SRRM2: variants seen among roughly 807,000 people sequenced by gnomAD.
The protein encoded by SRRM2 is serine/arginine repetitive matrix protein 2.
A neutral mutation model predicts 213.8 loss-of-function variants in SRRM2; 30 were observed. That is an observed-to-expected ratio of 0.14 (90% CI 0.10 to 0.19). SRRM2 has a LOEUF of 0.19. SRRM2 is among the 10% of genes least tolerant of loss of function. SRRM2 has a pLI of 1.00. For missense variants in SRRM2, 4,904 were observed against 3,647.0 expected, an observed-to-expected ratio of 1.34 and a Z score of -8.88; for synonymous variants, 2,025 against 1,377.7, an observed-to-expected ratio of 1.47 and a Z score of -10.40.
rs751290655 is a variant in SRRM2, at chr16:2,763,697, C to G, written c.3169C>G (p.Leu1057Val). 1 of 1,614,214 alleles carries G rather than the reference C, an allele frequency of 6.2e-7. No individual in the cohort carries two copies. Among genetic ancestry groups the G allele is most frequent in the Non-Finnish European group, 8.5e-7 (1 of 1,180,044 alleles). The stretch of plus-strand genomic sequence containing the variant: ...CTATTTTGGTGTCTCATCTCTGCAA[C>G]TGAAAGGACAATCTCAAACTTCACC... ...ESYFGVSSLQ[L>V]KGQSQTSPDH... The change falls in exon 11 of 15, where the codon CTG becomes GTG. Residue 1057 changes from leucine (L) to valine (V), a missense_variant. Coordinates refer to ENST00000301740, the MANE Select transcript of SRRM2 (RefSeq NM_016333.4).
At position 2,760,373 on chromosome 16, in the gene SRRM2, A is replaced by G. The variant is rs755644245; in HGVS notation, c.906A>G (p.Arg302=). ...GAAGTCCTTCCCCTGCTTCAGGGCG[A>G]CGCGGGGAGGGAGATGCGCCTTTCA... ...AGRSPSPASG[R]RGEGDAPFSE... The change falls in exon 10 of 15, where the codon CGA becomes CGG. Residue 302 remains arginine, a synonymous_variant. Transcript: ENST00000301740. 6.2e-7 allele frequency: 1 copy of G among 1,614,088 alleles called. No individual in the cohort carries two copies. The highest frequency in any genetic ancestry group is 8.5e-7 in the Non-Finnish European group (1 of 1,180,030).
Position 2,767,669 on chromosome 16 carries a change from A to T in SRRM2, c.7141A>T (p.Thr2381Ser). The change falls in exon 11 of 15, where the codon ACC becomes TCC. Residue 2381 changes from threonine to serine, a missense_variant. Physicochemically the swap from Thr to Ser is moderately conservative, Grantham distance 58. Coordinates refer to ENST00000301740, the MANE Select transcript of SRRM2 (RefSeq NM_016333.4). ...TCCAGCATTGTCTGGTGCAAACCTC[A>T]CCAGCCCCAGGGTGCCCCTTTCTGC... ...MAPALSGANL[T>S]SPRVPLSAYE... The T allele has an allele frequency of 1.9e-6, 3 of 1,613,792 alleles. No individual in the cohort carries two copies. The highest frequency in any genetic ancestry group is 2.5e-6 in the Non-Finnish European group (3 of 1,179,946).
chr16:2,768,646 C>T (rs772809128), intron 11 of SRRM2: 12 of 642,506 alleles, frequency 1.9e-5, no homozygotes, highest in Non-Finnish European at 3.2e-5. Context: ...GCCCCTTCCC[C>T]AGCCAACCTG....
chr16:2,770,332 G>T lies in SRRM2; in HGVS notation c.8022-20G>T. 6.4e-7 allele frequency: 1 copy of T among 1,561,178 alleles called. No homozygotes were observed. Among genetic ancestry groups the T allele is most frequent in the Non-Finnish European group, 8.7e-7 (1 of 1,151,802 alleles). On this transcript the variant is annotated intron_variant, in intron 12 of 14. Coordinates refer to ENST00000301740, the MANE Select transcript of SRRM2 (RefSeq NM_016333.4). ...TGCTTGAAAGGGTGTGGTGCTATTG[G>T]GTCCTACTGTGTTCCCCAGGTCCCG...
rs1437090978 is a variant in SRRM2, at chr16:2,762,779, A to G, written c.2251A>G (p.Lys751Glu). Residue 751 changes from lysine to glutamate, a missense_variant, in exon 11 of 15, where the codon AAA (lysine) becomes GAA (glutamate). Transcript: ENST00000301740. ...GTCCAATTCAAGCCCAGAAATGAAG[A>G]AATCTCGCATTTCTTCAAGGCGGAG... is the stretch of plus-strand genomic sequence containing the variant. ...SRSNSSPEMKKSRISSRRSRS... is the reference protein window; with the variant it reads ...SRSNSSPEMKESRISSRRSRS... 6.2e-7 allele frequency: 1 copy of G among 1,614,210 alleles called. No homozygotes were observed. The highest frequency in any genetic ancestry group is 8.5e-7 in the Non-Finnish European group (1 of 1,180,036).
Position 2,767,845 on chromosome 16 carries a change from TCTC to T in SRRM2, c.7319_7321del (p.Leu2440del). 7 of 1,613,998 alleles carry T rather than the reference TCTC, an allele frequency of 4.3e-6. No homozygotes were observed. The highest frequency in any genetic ancestry group is 4.2e-6 in the Non-Finnish European group (5 of 1,179,982). ...TGGGCCAGGCTCCTTCACAGTCTCT[TCTC>T]CCTCCAGCACAGGATCAGCCGAGGT... On this transcript the variant is annotated inframe_deletion, in exon 11 of 15. Coordinates refer to ENST00000301740, the MANE Select transcript of SRRM2 (RefSeq NM_016333.4).
chr16:2,763,726 C>A lies in SRRM2; in HGVS notation c.3198C>A (p.Asp1066Glu). The change falls in exon 11 of 15, where the codon GAC becomes GAA. Residue 1066 changes from aspartate to glutamate, a missense_variant. Transcript: ENST00000301740. ...QLKGQSQTSP[D>E]HRSDTSSPEV... is the part of the protein sequence containing the mutation. ...AAGGACAATCTCAAACTTCACCAGA[C>A]CACAGATCTGATACTTCAAGTCCAG... is the stretch of plus-strand genomic sequence containing the variant. 1 of 1,614,190 alleles carries A rather than the reference C, an allele frequency of 6.2e-7. No homozygotes were observed. Among genetic ancestry groups the A allele is most frequent in the Non-Finnish European group, 8.5e-7 (1 of 1,180,038 alleles).
In SRRM2 at chr16:2,766,320, C is replaced by T. The variant is rs2068541056; in HGVS notation, c.5792C>T (p.Thr1931Ile). 2 of 1,614,156 alleles carry T rather than the reference C, an allele frequency of 1.2e-6. No homozygotes were observed. The highest frequency in any genetic ancestry group is 1.7e-5 in the Admixed American group (1 of 60,028). The change falls in exon 11 of 15, where the codon ACC becomes ATC. Residue 1931 changes from threonine (T) to isoleucine (I), a missense_variant. By Grantham distance (89) the Thr-to-Ile change is moderately conservative. Coordinates refer to ENST00000301740, the MANE Select transcript of SRRM2 (RefSeq NM_016333.4). The surrounding 1 kb of genome is among the most constrained non-coding windows in gnomAD (Gnocchi z 7.0). ...RRSRSRTPPV[T>I]RRRSRSRTPT... Reference sequence around the variant, plus strand: ...TCCAGATCCAGAACGCCACCAGTAACCCGCCGTCGTTCAAGGTCTAGAACG... The same window carrying T: ...TCCAGATCCAGAACGCCACCAGTAATCCGCCGTCGTTCAAGGTCTAGAACG...
chr16:2,768,924 T>C, intron 11 of SRRM2, 73 bp from the exon 12 acceptor site: 1 of 1,598,234 alleles, frequency 6.3e-7, no homozygotes, highest in Non-Finnish European at 8.5e-7. Context: ...CCACTGCCGT[T>C]CCTCCAGGCC....
Position 2,766,934 on chromosome 16 carries a change from C to T in SRRM2, c.6406C>T (p.Leu2136Phe), listed in dbSNP as rs774332662. ...TGATCGCTGCAGATCACCTGGAATG[C>T]TTGAACCCCTTGGCAGCTCTAGAAC... The part of the protein sequence containing the change: ...PLDRCRSPGM[L>F]EPLGSSRTPM... The change falls in exon 11 of 15, where the codon CTT becomes TTT. Residue 2136 changes from leucine to phenylalanine, a missense_variant. By Grantham distance (22) the Leu-to-Phe change is conservative. Transcript: ENST00000301740. The surrounding 1 kb of genome is among the most constrained non-coding windows in gnomAD (Gnocchi z 7.0). 1.2e-6 allele frequency: 2 copies of T among 1,614,124 alleles called. No individual in the cohort carries two copies. The highest frequency in any genetic ancestry group is 1.7e-5 in the Admixed American group (1 of 60,026).
chr16:2,765,370 A>G lies in SRRM2; in HGVS notation c.4842A>G (p.Ala1614=), dbSNP rs143831687. 1,645 of 1,614,048 alleles carry G rather than the reference A, an allele frequency of 1.0e-3. 1 individual carries two copies. Among genetic ancestry groups the G allele is most frequent in the Non-Finnish European group, 1.3e-3 (1,593 of 1,180,048 alleles). Reference sequence around the variant, plus strand: ...ATAAGCCAAGAGCAGCACCCAGGGCACAGAGTGGTTCTGATTCCTCTCCTG... The same window carrying G: ...ATAAGCCAAGAGCAGCACCCAGGGCGCAGAGTGGTTCTGATTCCTCTCCTG... ...VKDKPRAAPR[A]QSGSDSSPEP... Residue 1614 remains alanine, a synonymous_variant, in exon 11 of 15, where the codon GCA becomes GCG. Coordinates refer to ENST00000301740, the MANE Select transcript of SRRM2 (RefSeq NM_016333.4).
chr16:2,754,302 T>C (rs1347921526), intron 1 of SRRM2, among the ~76,000 whole-genome samples: 1 of 152,076 alleles, frequency 6.6e-6, no homozygotes, highest in Non-Finnish European at 1.5e-5. Context: ...TTTCTTTTTT[T>C]TTTTTTTCCG....
At position 2,762,025 on chromosome 16, in the gene SRRM2, C is replaced by A; in HGVS notation, c.1497C>A (p.Thr499=). 4 of 1,614,198 alleles carry A rather than the reference C, an allele frequency of 2.5e-6. No homozygotes were observed. The highest frequency in any genetic ancestry group is 3.4e-6 in the Non-Finnish European group (4 of 1,180,026). The change falls in exon 11 of 15, where the codon ACC becomes ACA. Residue 499 remains threonine (T), a synonymous_variant. Coordinates refer to ENST00000301740, the MANE Select transcript of SRRM2 (RefSeq NM_016333.4). The stretch of plus-strand genomic sequence containing the variant: ...AGAGAGGGCGATCTCGGTCTCGAAC[C>A]CCTACCAAGAGAGGTCATTCTCGAT... The part of the protein sequence containing the change: ...TAKRGRSRSR[T]PTKRGHSRSR...
At chr16:2,756,732 C>T (rs2068155243) in intron 2 of SRRM2, 126 bp downstream of exon 2, 1 of 1,312,800 alleles carries the variant, frequency 7.6e-7, no homozygotes, top group East Asian at 2.4e-5. Flanking sequence ...GGGGAGGAGG[C>T]AGATGAGCTC....
intron 7 of SRRM2, 75 bp downstream of exon 7, chr16:2,759,247 A>G (rs2068254506): frequency 3.7e-6 from 6 of 1,605,338 alleles, no homozygotes; most frequent in Non-Finnish European, 4.2e-6. Flanking sequence ...GTGAAGCTCA[A>G]TTCCTTGATC....
rs1202082925 is a variant in SRRM2, at chr16:2,765,378, G to A, written c.4850G>A (p.Gly1617Asp). 1.2e-5 allele frequency: 20 copies of A among 1,614,040 alleles called. No individual in the cohort carries two copies. Among genetic ancestry groups the A allele is most frequent in the Non-Finnish European group, 1.6e-5 (19 of 1,180,048 alleles). ...AGAGCAGCACCCAGGGCACAGAGTG[G>A]TTCTGATTCCTCTCCTGAACCTAAA... Reference protein sequence around the residue: ...KPRAAPRAQSGSDSSPEPKAP... With the variant: ...KPRAAPRAQSDSDSSPEPKAP... Residue 1617 changes from glycine to aspartate, a missense_variant, in exon 11 of 15, where the codon GGT becomes GAT. Gly to Asp is a moderately conservative substitution (Grantham distance 94). Transcript: ENST00000301740.
Position 2,762,837 on chromosome 16 carries a change from A to C in SRRM2, c.2309A>C (p.Lys770Thr). 1 of 1,614,100 alleles carries C rather than the reference A, an allele frequency of 6.2e-7. No individual in the cohort carries two copies. The highest frequency in any genetic ancestry group is 8.5e-7 in the Non-Finnish European group (1 of 1,180,008). Residue 770 changes from lysine to threonine, a missense_variant, in exon 11 of 15, where the codon AAA becomes ACA. Lys to Thr is a moderately conservative substitution (Grantham distance 78). Transcript: ENST00000301740. ...RSLSSPRSKA[K>T]SRLSLRRSLS... ...CTCTCTTCACCACGGTCCAAAGCAAAATCTCGCTTGTCTTTGAGGCGCAGC... is the reference window on the plus strand; with the variant it reads ...CTCTCTTCACCACGGTCCAAAGCAACATCTCGCTTGTCTTTGAGGCGCAGC...
In SRRM2 at chr16:2,752,682, T is replaced by G. The variant is rs886403831; in HGVS notation, c.-196T>G. The G allele has an allele frequency of 9.7e-6, 3 of 308,722 alleles. No individual in the cohort carries two copies. In the East Asian group the frequency reaches 4.7e-4, roughly 49 times the overall value. 19.1% of individuals were successfully genotyped at this position (308,722 alleles called of 1,614,324 possible). ...CCCAGGCGGGGTGCGAGTGGCGCAG[T>G]TGGAGCCCGTTGCGGCCCCTGAGGA... On this transcript the variant is annotated 5_prime_UTR_variant, in exon 1 of 15. Transcript: ENST00000301740.
In SRRM2 at chr16:2,763,760, C is replaced by G. The variant is rs377733173; in HGVS notation, c.3232C>G (p.Gln1078Glu). The G allele has an allele frequency of 3.1e-6, 5 of 1,613,966 alleles. No homozygotes were observed. In the African/African-American group the frequency reaches 4.0e-5, roughly 13 times the overall value. ...RSDTSSPEVR[Q>E]SHSESPSLQS... ...TGATACTTCAAGTCCAGAAGTGAGA[C>G]AGAGTCATTCAGAATCACCATCTCT... Residue 1078 changes from glutamine to glutamate, a missense_variant, in exon 11 of 15, where the codon CAG becomes GAG. Coordinates refer to ENST00000301740, the MANE Select transcript of SRRM2 (RefSeq NM_016333.4).
Sources: allele counts gnomAD v4.1 joint callset (sites outside exome capture counted in the v4.1 genomes callset), GRCh38; gene constraint gnomAD v4.1.1; non-coding constraint Gnocchi (gnomAD v3.1); transcripts MANE v1.5; gene names NCBI Gene and HGNC (gene_info 2026-07-23, HGNC 2026-07-21).